Variants in PLAC1 observed in about 807,000 individuals in gnomAD.
The protein encoded by PLAC1 is placenta associated 1, also known as placenta-specific protein 1.
For missense variants in PLAC1, 136 were observed against 163.2 expected, an observed-to-expected ratio of 0.83 and a Z score of 0.91; for synonymous variants, 68 against 62.1, an observed-to-expected ratio of 1.09 and a Z score of -0.44.
chrX:134,746,160 G>T (rs1168716277), intron 1 of PLAC1, among the ~76,000 whole-genome samples: 1 of 112,501 alleles, frequency 8.9e-6, no homozygotes, highest in African/African-American at 3.2e-5. Flanking sequence ...CTGTTCTGGA[G>T]GGTATACAAT....
intron 2 of PLAC1, among the ~76,000 whole-genome samples, chrX:134,719,269 A>C (rs778095364): frequency 3.6e-5 from 4 of 112,389 alleles, no homozygotes; most frequent in Non-Finnish European, 5.6e-5. Flanking sequence ...AAACACAAAA[A>C]TCCTCAACAA....
intron 1 of PLAC1, among the ~76,000 whole-genome samples, chrX:134,631,378 C>T (rs1241201516): frequency 8.9e-6 from 1 of 111,997 alleles, no homozygotes; most frequent in Non-Finnish European, 1.9e-5. Flanking sequence ...CTCAAAGCCA[C>T]CATTCCTTAG....
intron 2 of PLAC1, among the ~76,000 whole-genome samples, chrX:134,701,954 G>T (rs191579728): frequency 2.7e-5 from 3 of 112,049 alleles, no homozygotes; most frequent in Admixed American, 9.5e-5. Context: ...GGGAGGCAGA[G>T]GTTGCATTGA....
At chrX:134,568,238 A>G (rs2077887707) in intron 2 of PLAC1, among the ~76,000 whole-genome samples, 1 of 112,751 alleles carries the variant, frequency 8.9e-6, no homozygotes, top group Non-Finnish European at 1.9e-5. Context: ...GAGATAAGTA[A>G]CCCCTGCACA....
At chrX:134,682,985 G>A (rs2078504012) in intron 2 of PLAC1, among the ~76,000 whole-genome samples, 1 of 111,965 alleles carries the variant, frequency 8.9e-6, no homozygotes. Context: ...AAACCAAGAT[G>A]TCATTTCATC....
chrX:134,715,007 C>G (rs1049412833), intron 2 of PLAC1, among the ~76,000 whole-genome samples: 2 of 111,735 alleles, frequency 1.8e-5, no homozygotes, highest in African/African-American at 6.5e-5. Context: ...GTATCCCATC[C>G]CCCTCTCTCC....
intron 1 of PLAC1, among the ~76,000 whole-genome samples, chrX:134,623,128 A>G (rs913716456): frequency 8.9e-6 from 1 of 112,218 alleles, no homozygotes; most frequent in African/African-American, 3.2e-5. Context: ...TGGGGTCTCA[A>G]TGAGCACACT....
intron 2 of PLAC1, among the ~76,000 whole-genome samples, chrX:134,698,977 C>T (rs180929652): frequency 2.7e-5 from 3 of 111,486 alleles, no homozygotes; most frequent in African/African-American, 9.8e-5. Flanking sequence ...TTTCCTTACC[C>T]TCAGCCTCCA....
intron 2 of PLAC1, among the ~76,000 whole-genome samples, chrX:134,593,643 GTC>G (rs1387547233): frequency 9.0e-6 from 1 of 111,592 alleles, no homozygotes; most frequent in African/African-American, 3.2e-5. Context: ...ATACACCTAA[GTC>G]TTTTTTGAGC....
chrX:134,652,242 T>C (rs73566661), intron 1 of PLAC1, among the ~76,000 whole-genome samples: 6,383 of 111,967 alleles, frequency 0.057, 472 homozygotes, highest in African/African-American at 0.2. Context: ...AACACCCACG[T>C]TGGCAAGTCA....
At chrX:134,648,817 T>G (rs1407594491) in intron 1 of PLAC1, among the ~76,000 whole-genome samples, 1 of 112,260 alleles carries the variant, frequency 8.9e-6, no homozygotes, top group East Asian at 2.8e-4. Context: ...CCCAGTTTAC[T>G]CAGACTCTCT....
intron 1 of PLAC1, chrX:134,605,852 A>C (rs1386272528): frequency 6.2e-5 from 7 of 112,388 alleles, no homozygotes; most frequent in Non-Finnish European, 1.3e-4. Flanking sequence ...TGAGGAGAAC[A>C]CCAGTCTTAC....
upstream of PLAC1, among the ~76,000 whole-genome samples, chrX:134,659,051 T>C (rs1240415661): frequency 3.6e-5 from 4 of 110,507 alleles, no homozygotes; most frequent in African/African-American, 1.3e-4. Context: ...CTGTGGCCTC[T>C]TGGGGGGCTG....
chrX:134,690,514 TAAC>T (rs748581353), intron 2 of PLAC1, among the ~76,000 whole-genome samples: 1 of 111,578 alleles, frequency 9.0e-6, no homozygotes, highest in East Asian at 2.8e-4. Context: ...GTCTCTGTGT[TAAC>T]AAGCTCCTGA....
chrX:134,627,361 C>CA (rs747001838), intron 1 of PLAC1, among the ~76,000 whole-genome samples: 1 of 112,020 alleles, frequency 8.9e-6, no homozygotes, highest in South Asian at 3.8e-4. Flanking sequence ...AAATAATAAT[C>CA]ACTCAACTAT....
intron 2 of PLAC1, among the ~76,000 whole-genome samples, chrX:134,664,791 A>G (rs2078430641): frequency 8.9e-6 from 1 of 111,961 alleles, no homozygotes; most frequent in East Asian, 2.8e-4. Flanking sequence ...TTTCTCCATG[A>G]GCCAGAGCAG....
At chrX:134,590,149 C>T (rs1315825002) in intron 2 of PLAC1, among the ~76,000 whole-genome samples, 1 of 110,403 alleles carries the variant, frequency 9.1e-6, no homozygotes, top group African/African-American at 3.3e-5. Flanking sequence ...GAGCCAAGAT[C>T]ACGCCACTGC....
At chrX:134,575,596 C>T (rs1159692557) in intron 2 of PLAC1, among the ~76,000 whole-genome samples, 2 of 109,099 alleles carry the variant, frequency 1.8e-5, no homozygotes, top group Non-Finnish European at 3.8e-5. Context: ...AGTGAAACCC[C>T]GTCTCTATTA....
chrX:134,754,451 T>C (rs1232169179), intron 1 of PLAC1, among the ~76,000 whole-genome samples: 1 of 111,513 alleles, frequency 9.0e-6, no homozygotes, highest in East Asian at 2.8e-4. Flanking sequence ...ATTATAGTAT[T>C]AGAAAAAAAT....
Sources: gnomAD v4.1 joint callset for allele counts (sites outside exome capture counted in the v4.1 genomes callset) on GRCh38, gnomAD v4.1.1 for gene constraint, MANE v1.5 for transcripts, NCBI Gene and HGNC (gene_info 2026-07-23, HGNC 2026-07-21) for gene names.